Variants in UBE2E2 observed in about 807,000 individuals in gnomAD.
UBE2E2 encodes the protein ubiquitin-conjugating enzyme E2 E2.
In UBE2E2, 6 loss-of-function variants were observed where a neutral mutation model predicts 24.7. That is an observed-to-expected ratio of 0.24 (90% CI 0.13 to 0.48). The LOEUF is 0.48. Among genes scored for constraint, UBE2E2 ranks in the 20% least tolerant of loss-of-function variants. UBE2E2 has a pLI of 0.99. For missense variants in UBE2E2, 169 were observed against 245.0 expected (o/e 0.69, Z 2.07); for synonymous variants, 104 against 83.6 (o/e 1.24, Z -1.33).
intron 3 of UBE2E2, among the ~76,000 whole-genome samples, chr3:23,487,268 A>C (rs1699394053): frequency 6.6e-6 from 1 of 152,242 alleles, no homozygotes; most frequent in South Asian, 2.1e-4. Context: ...GCCAGGGAGT[A>C]GGAGCAGGCA....
At chr3:23,445,549 T>C (rs1009687125) in intron 3 of UBE2E2, among the ~76,000 whole-genome samples, 1 of 152,208 alleles carries the variant, frequency 6.6e-6, no homozygotes, top group African/African-American at 2.4e-5. Context: ...ACCACAGTTC[T>C]TTAGGTCTGC....
At chr3:23,351,965 T>C (rs555859661) in intron 3 of UBE2E2, among the ~76,000 whole-genome samples, 6 of 152,182 alleles carry the variant, frequency 3.9e-5, no homozygotes, top group African/African-American at 1.4e-4. Flanking sequence ...TATTGCAAAA[T>C]TGACCACATA....
chr3:23,215,832 C>T (rs1696461169), intron 2 of UBE2E2, among the ~76,000 whole-genome samples: 1 of 152,132 alleles, frequency 6.6e-6, no homozygotes, highest in Admixed American at 6.6e-5. Flanking sequence ...CTGGACTTAG[C>T]CACTGAGTTT....
At chr3:23,250,993 G>A (rs1006507849) in intron 3 of UBE2E2, among the ~76,000 whole-genome samples, 1 of 152,100 alleles carries the variant, frequency 6.6e-6, no homozygotes, top group Non-Finnish European at 1.5e-5. Flanking sequence ...AGGTAGCTGG[G>A]ACTACAGGTG....
chr3:23,298,606 A>C (rs1392749820), intron 3 of UBE2E2, among the ~76,000 whole-genome samples: 6 of 151,334 alleles, frequency 4.0e-5, no homozygotes, highest in South Asian at 4.2e-4. Flanking sequence ...ATTTGCATAT[A>C]TTGAACCAGC....
At chr3:23,344,792 C>T (rs1695501429) in intron 3 of UBE2E2, among the ~76,000 whole-genome samples, 1 of 150,026 alleles carries the variant, frequency 6.7e-6, no homozygotes, top group Middle Eastern at 3.5e-3. Flanking sequence ...GGATTGTGCC[C>T]AGGTGACAGA....
In UBE2E2 at chr3:23,591,320, C is replaced by G. The variant is rs982721158; in HGVS notation, c.*1489C>G. On this transcript the variant is annotated 3_prime_UTR_variant, in exon 6 of 6. Transcript: ENST00000396703. ...ACTGCTGAAAAGCAGGATTTATAAGCATAAGTCATCCACCTCTAAATATTT... is the reference window on the plus strand; with the variant it reads ...ACTGCTGAAAAGCAGGATTTATAAGGATAAGTCATCCACCTCTAAATATTT... The G allele has an allele frequency of 8.5e-5, 13 of 152,128 alleles. No individual in the cohort carries two copies. The highest frequency in any genetic ancestry group is 3.1e-4 in the African/African-American group (13 of 41,416). The allele number at this position is 152,128 out of a possible 1,614,324, so 9.4% of individuals were successfully genotyped here.
intron 5 of UBE2E2, among the ~76,000 whole-genome samples, chr3:23,554,239 T>C (rs1015615153): frequency 6.6e-6 from 1 of 152,120 alleles, no homozygotes; most frequent in Non-Finnish European, 1.5e-5. Context: ...ATTTCAGATA[T>C]AAATCCAAAC....
At chr3:23,217,551 G>T (rs1234197022) in intron 3 of UBE2E2, among the ~76,000 whole-genome samples, 1 of 152,046 alleles carries the variant, frequency 6.6e-6, no homozygotes, top group Non-Finnish European at 1.5e-5. Flanking sequence ...TGCAATAACA[G>T]TAAGACAATG....
intron 3 of UBE2E2, among the ~76,000 whole-genome samples, chr3:23,268,459 C>T (rs2125360232): frequency 6.6e-6 from 1 of 151,736 alleles, no homozygotes; most frequent in African/African-American, 2.4e-5. Flanking sequence ...ACAATTGCTT[C>T]AAAGAGAAAA....
intron 5 of UBE2E2, among the ~76,000 whole-genome samples, chr3:23,588,675 C>G (rs915905982): frequency 1.3e-4 from 20 of 152,014 alleles, no homozygotes; most frequent in African/African-American, 3.6e-4. Flanking sequence ...CTAACAGCAC[C>G]CTGTTAGTTA....
chr3:23,402,031 A>AT (rs1176002962), intron 3 of UBE2E2, among the ~76,000 whole-genome samples: 1 of 151,378 alleles, frequency 6.6e-6, no homozygotes, highest in African/African-American at 2.4e-5. Flanking sequence ...TAATTTGTGT[A>AT]TTTTTAGTAG....
At chr3:23,349,429 A>C (rs1417688898) in intron 3 of UBE2E2, among the ~76,000 whole-genome samples, 1 of 152,202 alleles carries the variant, frequency 6.6e-6, no homozygotes, top group Non-Finnish European at 1.5e-5. Flanking sequence ...GCAGGGCAAG[A>C]CATTGCCTCA....
intron 5 of UBE2E2, among the ~76,000 whole-genome samples, chr3:23,569,521 C>T (rs1201069710): frequency 6.6e-6 from 1 of 152,198 alleles, no homozygotes; most frequent in African/African-American, 2.4e-5. Context: ...AACCTAGCTT[C>T]CAATATCTTG....
chr3:23,430,501 G>C (rs1441562103), intron 3 of UBE2E2, among the ~76,000 whole-genome samples: 2 of 151,730 alleles, frequency 1.3e-5, no homozygotes, highest in Non-Finnish European at 2.9e-5. Context: ...TATTATTCTT[G>C]GTGGTTGTGT....
intron 3 of UBE2E2, among the ~76,000 whole-genome samples, chr3:23,393,911 A>G (rs1697011105): frequency 6.6e-6 from 1 of 152,220 alleles, no homozygotes; most frequent in African/African-American, 2.4e-5. Context: ...CTTTTGTACT[A>G]CAATGCAAGA....
intron 5 of UBE2E2, among the ~76,000 whole-genome samples, chr3:23,541,738 T>A (rs188536254): frequency 6.6e-6 from 1 of 152,342 alleles, no homozygotes; most frequent in East Asian, 1.9e-4. Flanking sequence ...CTGAAAGCAT[T>A]TTCCCAAATA....
At chr3:23,248,656 C>A (rs2125343638) in intron 3 of UBE2E2, among the ~76,000 whole-genome samples, 1 of 152,304 alleles carries the variant, frequency 6.6e-6, no homozygotes, top group Non-Finnish European at 1.5e-5. Flanking sequence ...TTTAAGAGTG[C>A]AAGTGAGAGT....
At chr3:23,452,808 C>T (rs1005789292) in intron 3 of UBE2E2, among the ~76,000 whole-genome samples, 2 of 152,164 alleles carry the variant, frequency 1.3e-5, no homozygotes, top group African/African-American at 4.8e-5. Context: ...CCATAATTTA[C>T]TACAAAATGC....
Sources: gnomAD v4.1 joint callset for allele counts (sites outside exome capture counted in the v4.1 genomes callset) on GRCh38, gnomAD v4.1.1 for gene constraint, MANE v1.5 for transcripts, NCBI Gene and HGNC (gene_info 2026-07-23, HGNC 2026-07-21) for gene names.